SGCD: variants seen among roughly 807,000 people sequenced by gnomAD.
The protein encoded by SGCD is sarcoglycan delta.
In SGCD, 18 loss-of-function variants were observed where a neutral mutation model predicts 36.6. That is an observed-to-expected ratio of 0.49 (90% CI 0.34 to 0.73). The LOEUF is 0.73. Among genes scored for constraint, SGCD ranks in the 30% least tolerant of loss-of-function variants. The pLI is 0.01. For missense variants in SGCD, 387 were observed against 346.7 expected (o/e 1.12, Z -0.92); for synonymous variants, 133 against 130.6 (o/e 1.02, Z -0.12).
At chr5:155,991,876 T>C (rs983821824) in intron 1 of SGCD, among the ~76,000 whole-genome samples, 1 of 152,214 alleles carries the variant, frequency 6.6e-6, no homozygotes, top group African/African-American at 2.4e-5. Context: ...AAAAGGACAT[T>C]GTATTTCAAA....
intron 1 of SGCD, among the ~76,000 whole-genome samples, chr5:155,937,557 A>G (rs1305729074): frequency 2.6e-5 from 4 of 152,208 alleles, no homozygotes; most frequent in South Asian, 4.1e-4. Context: ...TTGCAGAAAG[A>G]TCTTCGGGGA....
intron 1 of SGCD, among the ~76,000 whole-genome samples, chr5:155,922,115 G>A (rs1473069332): frequency 6.6e-6 from 1 of 152,148 alleles, no homozygotes. Flanking sequence ...ATACTAACTA[G>A]CTCTATGGCA....
chr5:156,526,162 C>T lies in SGCD; in HGVS notation c.294+17460C>T, dbSNP rs1436082949. 2.0e-5 allele frequency among the ~76,000 whole-genome samples: 3 copies of T among 151,980 alleles called. No individual in the cohort carries two copies. The South Asian group carries it at 6.2e-4, about 31-fold the overall frequency. On this transcript the variant is annotated intron_variant, in intron 4 of 8. Transcript: ENST00000337851. ...CTCTGAGTCTTCTAAAATGTGCTTC[C>T]TTTTTGTTCGTCTAAGCACTAAAGA...
chr5:156,488,521 A>G (rs1755803782), intron 3 of SGCD, among the ~76,000 whole-genome samples: 1 of 152,130 alleles, frequency 6.6e-6, no homozygotes, highest in Admixed American at 6.5e-5. Flanking sequence ...AAGAAAGAAA[A>G]ATAAAAAACT....
At chr5:156,432,659 G>A (rs796518053) in intron 3 of SGCD, among the ~76,000 whole-genome samples, 1 of 152,124 alleles carries the variant, frequency 6.6e-6, no homozygotes, top group Non-Finnish European at 1.5e-5. Context: ...TGGGGGATAG[G>A]GGTGGTTTTC....
At chr5:156,702,457 A>G (rs548011602) in intron 7 of SGCD, among the ~76,000 whole-genome samples, 1 of 152,262 alleles carries the variant, frequency 6.6e-6, no homozygotes, top group African/African-American at 2.4e-5. Flanking sequence ...CTCCCAAGCC[A>G]TCCTCAAACA....
chr5:156,036,100 A>G (rs1438991622), intron 1 of SGCD, among the ~76,000 whole-genome samples: 1 of 152,172 alleles, frequency 6.6e-6, no homozygotes, highest in African/African-American at 2.4e-5. Context: ...GAAGCTAAAT[A>G]AGCTGTTATA....
chr5:155,858,496 C>A, the SGCD span, among the ~76,000 whole-genome samples: 2 of 152,146 alleles, frequency 1.3e-5, no homozygotes, highest in Admixed American at 6.5e-5. Flanking sequence ...TTGTCATATT[C>A]ACATCAAATT....
intron 3 of SGCD, among the ~76,000 whole-genome samples, chr5:156,307,555 GTTTTT>G (rs59481792): frequency 4.9e-5 from 2 of 41,146 alleles, no homozygotes; most frequent in African/African-American, 7.6e-5. Flanking sequence ...TTTAACTGTT[GTTTTT>G]TTTTTTTTTT....
intron 8 of SGCD, 77 bp from the exon 9 acceptor site, chr5:156,759,140 C>A: frequency 1.8e-6 from 2 of 1,126,380 alleles, no homozygotes; most frequent in Admixed American, 1.7e-5. Context: ...ATTGAACATT[C>A]ACTTGCTGTT....
At chr5:156,327,488 A>C (rs1272490434) in intron 1 of SGCD, among the ~76,000 whole-genome samples, 1 of 152,238 alleles carries the variant, frequency 6.6e-6, no homozygotes, top group Non-Finnish European at 1.5e-5. Flanking sequence ...TATTGTGTAA[A>C]GAGGAGTATG....
At chr5:156,164,437 A>G (rs1763165630) in intron 3 of SGCD, among the ~76,000 whole-genome samples, 1 of 150,994 alleles carries the variant, frequency 6.6e-6, no homozygotes, top group South Asian at 2.1e-4. Flanking sequence ...CCCCACTCCC[A>G]CCCTTGCAGC....
intron 1 of SGCD, among the ~76,000 whole-genome samples, chr5:156,071,664 G>A (rs1336354135): frequency 3.3e-5 from 5 of 152,186 alleles, no homozygotes; most frequent in Non-Finnish European, 7.3e-5. Flanking sequence ...GTGCAGAGCT[G>A]TGTTCAATTC....
At chr5:155,876,696 TG>T (rs769901995) in intron 1 of SGCD, among the ~76,000 whole-genome samples, 2 of 152,102 alleles carry the variant, frequency 1.3e-5, no homozygotes, top group Non-Finnish European at 2.9e-5. Flanking sequence ...TCATAGTGTT[TG>T]TCTATGTAGG....
chr5:155,977,588 C>G (rs777442596), intron 1 of SGCD, among the ~76,000 whole-genome samples: 1 of 152,186 alleles, frequency 6.6e-6, no homozygotes, highest in African/African-American at 2.4e-5. Flanking sequence ...CTATTTCACC[C>G]TTCGTGGCCT....
the SGCD span, among the ~76,000 whole-genome samples, chr5:155,769,640 A>T: frequency 3.9e-5 from 6 of 152,156 alleles, no homozygotes; most frequent in Non-Finnish European, 8.8e-5. Context: ...ATAGTCCTGG[A>T]GGATTCTTCT....
chr5:155,912,884 A>G (rs1036906311), intron 1 of SGCD, among the ~76,000 whole-genome samples: 1 of 151,684 alleles, frequency 6.6e-6, no homozygotes, highest in African/African-American at 2.4e-5. Flanking sequence ...CCTCTCTTCT[A>G]CATTCCCTTT....
At chr5:156,042,227 C>A (rs1759654810) in intron 1 of SGCD, among the ~76,000 whole-genome samples, 1 of 151,758 alleles carries the variant, frequency 6.6e-6, no homozygotes, top group African/African-American at 2.4e-5. Flanking sequence ...ACAGAACCTC[C>A]ACATTTTGAG....
chr5:156,633,800 G>A (rs1326696223), intron 6 of SGCD, among the ~76,000 whole-genome samples: 5 of 152,150 alleles, frequency 3.3e-5, no homozygotes, highest in African/African-American at 1.2e-4. Flanking sequence ...TCAAGAAAAC[G>A]TGGGCAGGCC....
Sources: allele counts gnomAD v4.1 joint callset (sites outside exome capture counted in the v4.1 genomes callset), GRCh38; gene constraint gnomAD v4.1.1; transcripts MANE v1.5; gene names NCBI Gene and HGNC (gene_info 2026-07-23, HGNC 2026-07-21).